Variants in MTARC1 observed in about 807,000 individuals in gnomAD.
The protein encoded by MTARC1 is mitochondrial amidoxime-reducing component 1.
Under a neutral mutation model 33.6 loss-of-function variants are expected in MTARC1, and 24 were observed. That is an observed-to-expected ratio of 0.72 (90% CI 0.52 to 1.01). The LOEUF (loss-of-function observed/expected upper bound fraction) is 1.01, where lower values mean the gene tolerates loss of function less well. MTARC1 is among the 50% of genes least tolerant of loss of function. The pLI, the probability that MTARC1 is intolerant of heterozygous loss-of-function variation, is 0.00. For synonymous variants in MTARC1, 187 were observed against 189.5 expected (o/e 0.99, Z 0.11); for missense variants, 417 against 445.7 (o/e 0.94, Z 0.58).
rs955376996 is a variant in MTARC1, at chr1:220,793,041, A to G, written c.449+1377A>G. 3.3e-5 allele frequency: 5 copies of G among 152,340 alleles called. No individual in the cohort carries two copies. The East Asian group carries it at 7.7e-4, about 23-fold the overall frequency. 9.4% of individuals were successfully genotyped at this position (152,340 alleles called of 1,614,324 possible). A position where few individuals can be genotyped will look rare whatever the true frequency, so the allele number is the denominator to read the frequency against. ...AAATTCTAGCAGTGGTTTTGCTTGA[A>G]ATAAGAATATGGATCCTGTAGGCTT... On this transcript the variant is annotated intron_variant, in intron 2 of 6. Transcript: ENST00000366910.
chr1:220,810,170 T>C lies in MTARC1; in HGVS notation c.888-3122T>C, dbSNP rs143852806. 1.3e-3 allele frequency among the ~76,000 whole-genome samples: 192 copies of C among 152,332 alleles called. 1 individual carries two copies. The highest frequency in any genetic ancestry group is 3.9e-3 in the African/African-American group (164 of 41,568). On this transcript the variant is annotated intron_variant, in intron 6 of 6. Coordinates refer to ENST00000366910, the MANE Select transcript of MTARC1 (RefSeq NM_022746.4). Reference sequence around the variant, plus strand: ...AAGATTTTAAATGAGTTTTAATTTATTAATACCAACAGGAATACATATATG... The same window carrying C: ...AAGATTTTAAATGAGTTTTAATTTACTAATACCAACAGGAATACATATATG...
rs1673286120 is a variant in MTARC1 at position 220,816,633 on chromosome 1, C to G, written c.*3215C>G. 6.6e-6 allele frequency: 1 copy of G among 152,352 alleles called. No homozygotes were observed. Among genetic ancestry groups the G allele is most frequent in the Non-Finnish European group, 1.5e-5 (1 of 68,062 alleles). The allele number at this position is 152,352 out of a possible 1,614,324, so 9.4% of individuals were successfully genotyped here. ...TTTGACTGTCTTTTGAGAAATGATC[C>G]TCTGATCTCTAGGCAGAATGCCAGT... On this transcript the variant is annotated 3_prime_UTR_variant, in exon 7 of 7. Coordinates refer to ENST00000366910, the MANE Select transcript of MTARC1 (RefSeq NM_022746.4).
intron 1 of MTARC1, among the ~76,000 whole-genome samples, chr1:220,790,705 T>C (rs1672394573): frequency 6.6e-6 from 1 of 152,266 alleles, no homozygotes; most frequent in Admixed American, 6.5e-5. Flanking sequence ...CTCACTTCTA[T>C]AATTGTAATC....
chr1:220,805,340 C>T (rs72472336), intron 6 of MTARC1, 66 bp downstream of exon 6: 1 of 1,560,958 alleles, frequency 6.4e-7, no homozygotes, highest in South Asian at 1.1e-5. Context: ...ATATTTGTTG[C>T]TTAATGTTTA....
chr1:220,811,191 T>C (rs1673125000), intron 6 of MTARC1, among the ~76,000 whole-genome samples: 1 of 152,126 alleles, frequency 6.6e-6, no homozygotes, highest in Non-Finnish European at 1.5e-5. Flanking sequence ...TGTTGCATGC[T>C]GAAAGAGGAG....
At chr1:220,793,249 G>A (rs1268336210) in intron 2 of MTARC1, 1 of 152,042 alleles carries the variant, frequency 6.6e-6, no homozygotes, top group African/African-American at 2.4e-5. Context: ...TTTCATGTTT[G>A]TCCATGTCTT....
intron 2 of MTARC1, among the ~76,000 whole-genome samples, chr1:220,795,278 C>G (rs1444096959): frequency 1.3e-5 from 2 of 152,102 alleles, no homozygotes; most frequent in Non-Finnish European, 2.9e-5. Context: ...GCTTCTACCC[C>G]CATTTTATTG....
At chr1:220,799,772 C>G (rs1158959084) in intron 4 of MTARC1, among the ~76,000 whole-genome samples, 2 of 152,194 alleles carry the variant, frequency 1.3e-5, no homozygotes, top group Non-Finnish European at 2.9e-5. Flanking sequence ...CAGCTGGATT[C>G]TAATCCACCT....
chr1:220,810,035 A>G (rs947539558), intron 6 of MTARC1, among the ~76,000 whole-genome samples: 14 of 152,178 alleles, frequency 9.2e-5, no homozygotes, highest in Non-Finnish European at 2.1e-4. Context: ...TTTACATTGC[A>G]CCTTGTAAAT....
rs752408464 is a variant in MTARC1, at chr1:220,797,878, C to T, written c.617C>T (p.Ala206Val). 8.1e-6 allele frequency: 13 copies of T among 1,614,126 alleles called. No individual in the cohort carries two copies. The highest frequency in any genetic ancestry group is 1.1e-5 in the Non-Finnish European group (13 of 1,179,992). Residue 206 changes from alanine (A) to valine (V), a missense_variant, in exon 4 of 7, where the codon GCT (alanine) becomes GTT (valine). Physicochemically the swap from Ala to Val is moderately conservative, Grantham distance 64. Coordinates refer to ENST00000366910, the MANE Select transcript of MTARC1 (RefSeq NM_022746.4). Reference protein sequence around the residue: ...ADLFRPKDQIAYSDTSPFLIL... With the variant: ...ADLFRPKDQIVYSDTSPFLIL... ...CAATGTCTATTTCCTTATCAGATTG[C>T]TTACTCAGACACCAGCCCATTCTTG... is the stretch of plus-strand genomic sequence containing the variant.
intron 6 of MTARC1, among the ~76,000 whole-genome samples, chr1:220,812,989 G>A (rs1350663403): frequency 6.6e-6 from 1 of 152,112 alleles, no homozygotes; most frequent in Non-Finnish European, 1.5e-5. Context: ...GCCTCCCAAA[G>A]TGCTGGGATT....
intron 4 of MTARC1, chr1:220,799,304 C>A: frequency 2.0e-6 from 1 of 490,318 alleles, no homozygotes. Flanking sequence ...GCATGTCCCC[C>A]AAGGTCCTGG....
chr1:220,805,396 A>G (rs1353988892), intron 6 of MTARC1, 122 bp downstream of exon 6: 1 of 1,030,772 alleles, frequency 9.7e-7, no homozygotes, highest in Admixed American at 1.9e-5. Context: ...TTGAAACTCA[A>G]GAGGGTCCCA....
chr1:220,787,235 G>T lies in MTARC1; in HGVS notation c.275+16G>T, dbSNP rs1411386407. On this transcript the variant is annotated intron_variant, in intron 1 of 6. Transcript: ENST00000366910. Reference sequence around the variant, plus strand: ...TGCGGGACAGGTACGGCCAAGCGCCGGCGCGGGGCAGCGCTGATCCGGCTC... The same window carrying T: ...TGCGGGACAGGTACGGCCAAGCGCCTGCGCGGGGCAGCGCTGATCCGGCTC... 1 of 1,553,228 alleles carries T rather than the reference G, an allele frequency of 6.4e-7. No homozygotes were observed. Among genetic ancestry groups the T allele is most frequent in the Non-Finnish European group, 8.7e-7 (1 of 1,151,136 alleles).
intron 6 of MTARC1, among the ~76,000 whole-genome samples, chr1:220,810,191 A>G (rs1321470844): frequency 6.6e-6 from 1 of 152,260 alleles, no homozygotes; most frequent in Non-Finnish European, 1.5e-5. Context: ...AGGAATACAT[A>G]TATGAAAAGT....
At chr1:220,810,679 T>C (rs775103574) in intron 6 of MTARC1, among the ~76,000 whole-genome samples, 31 of 150,556 alleles carry the variant, frequency 2.1e-4, no homozygotes, top group Admixed American at 5.3e-4. Context: ...CTGTGCTTGG[T>C]TGGCAGGAAG....
intron 4 of MTARC1, among the ~76,000 whole-genome samples, chr1:220,802,724 T>C (rs1317942275): frequency 6.6e-6 from 1 of 152,140 alleles, no homozygotes; most frequent in Non-Finnish European, 1.5e-5. Context: ...CGGCCCTGGC[T>C]CCTCCCTCTG....
intron 1 of MTARC1, 60 bp downstream of exon 1, chr1:220,787,279 G>A (rs1672265513): frequency 5.4e-6 from 8 of 1,492,402 alleles, no homozygotes; most frequent in Non-Finnish European, 3.6e-6. Flanking sequence ...GGGGTGAGAA[G>A]GGAGGAGCGC....
At chr1:220,792,361 T>C (rs985855534) in intron 2 of MTARC1, among the ~76,000 whole-genome samples, 1 of 152,202 alleles carries the variant, frequency 6.6e-6, no homozygotes, top group Non-Finnish European at 1.5e-5. Context: ...TCTTATCTGA[T>C]TATGGGAAAA....
Sources: gnomAD v4.1 joint callset for allele counts (sites outside exome capture counted in the v4.1 genomes callset) on GRCh38, gnomAD v4.1.1 for gene constraint, MANE v1.5 for transcripts, NCBI Gene and HGNC (gene_info 2026-07-23, HGNC 2026-07-21) for gene names.